OSBPL11: variants seen among roughly 807,000 people sequenced by gnomAD.
OSBPL11 encodes oxysterol binding protein like 11, also known as oxysterol-binding protein-related protein 11.
Under a neutral mutation model 84.4 loss-of-function variants are expected in OSBPL11, and 33 were observed. The ratio of observed to expected loss-of-function variants is 0.39; its 90% CI spans 0.30 to 0.52. The LOEUF is 0.52. Among genes scored for constraint, OSBPL11 ranks in the 20% least tolerant of loss-of-function variants. The pLI, the probability that OSBPL11 is intolerant of heterozygous loss-of-function variation, is 0.72. For synonymous variants in OSBPL11, 276 were observed against 310.2 expected (o/e 0.89, Z 1.16); for missense variants, 736 against 901.1 (o/e 0.82, Z 2.35).
At chr3:125,578,863 T>C in intron 4 of OSBPL11, 97 bp downstream of exon 4, 1 of 646,724 alleles carries the variant, frequency 1.5e-6, no homozygotes, top group Non-Finnish European at 2.5e-6. Flanking sequence ...GGGTGAATTT[T>C]ACGGTATATG....
intron 12 of OSBPL11, among the ~76,000 whole-genome samples, chr3:125,530,849 T>C (rs774647367): frequency 1.5e-4 from 23 of 152,214 alleles, no homozygotes; most frequent in Non-Finnish European, 2.6e-4. Flanking sequence ...ATTTTGCCAA[T>C]TTCGCCAAGA....
chr3:125,533,373 C>T (rs562428862), intron 11 of OSBPL11, among the ~76,000 whole-genome samples: 168 of 152,130 alleles, frequency 1.1e-3, no homozygotes, highest in African/African-American at 3.9e-3. Context: ...TACAGGCGTG[C>T]ACCACCATGC....
intron 11 of OSBPL11, among the ~76,000 whole-genome samples, chr3:125,533,611 AAT>A (rs1446607636): frequency 3.3e-5 from 5 of 152,268 alleles, no homozygotes; most frequent in African/African-American, 1.2e-4. Context: ...CTTTTAAAAA[AAT>A]ATGATACATG....
intron 10 of OSBPL11, among the ~76,000 whole-genome samples, chr3:125,540,927 G>A (rs970448385): frequency 6.6e-6 from 1 of 152,166 alleles, no homozygotes; most frequent in Non-Finnish European, 1.5e-5. Context: ...TCATCACTTT[G>A]CTTATAACAA....
chr3:125,585,082 T>C (rs1040328644), intron 1 of OSBPL11, among the ~76,000 whole-genome samples: 1 of 152,150 alleles, frequency 6.6e-6, no homozygotes, highest in Non-Finnish European at 1.5e-5. Flanking sequence ...TTTTTTAAAG[T>C]GTACAATTTC....
Position 125,582,892 on chromosome 3 carries a change from A to T in OSBPL11, c.233+18T>A. The T allele has an allele frequency of 6.4e-7, 1 of 1,556,858 alleles. No homozygotes were observed. On this transcript the variant is annotated intron_variant, in intron 2 of 12. Transcript: ENST00000296220. ...CTCTCTTAGGAGAGACTGATGTGAC[A>T]CAAATAATCACACTTACCTGTACTG...
intron 2 of OSBPL11, 60 bp downstream of exon 2, chr3:125,582,850 A>C: frequency 4.3e-6 from 5 of 1,154,144 alleles, no homozygotes; most frequent in Non-Finnish European, 5.0e-6. Flanking sequence ...ATATAAAATT[A>C]TTGGGCCCTA....
intron 8 of OSBPL11, among the ~76,000 whole-genome samples, chr3:125,557,906 A>ATC (rs1423634241): frequency 7.2e-6 from 1 of 138,240 alleles, no homozygotes; most frequent in African/African-American, 2.7e-5. Flanking sequence ...CAATTCTTGT[A>ATC]TCTCAGCCAC....
chr3:125,590,921 T>C (rs1936586574), intron 1 of OSBPL11, among the ~76,000 whole-genome samples: 2 of 152,230 alleles, frequency 1.3e-5, no homozygotes, highest in East Asian at 1.9e-4. Flanking sequence ...TAACCTTAGC[T>C]ACATGCAATA....
intron 4 of OSBPL11, 44 bp downstream of exon 4, chr3:125,578,916 C>T (rs541695981): frequency 4.9e-6 from 6 of 1,231,272 alleles, no homozygotes; most frequent in African/African-American, 4.7e-5. Flanking sequence ...AAAAATATTC[C>T]TTCCTCATTT....
intron 1 of OSBPL11, among the ~76,000 whole-genome samples, chr3:125,583,820 T>A (rs961554956): frequency 4.6e-5 from 7 of 152,188 alleles, no homozygotes. Context: ...CCACTTGGGT[T>A]TCTGCTAGAG....
chr3:125,578,010 T>A (rs1936356400), intron 4 of OSBPL11, among the ~76,000 whole-genome samples: 1 of 152,128 alleles, frequency 6.6e-6, no homozygotes, highest in South Asian at 2.1e-4. Flanking sequence ...TATGTTCACA[T>A]AAAAACTTGA....
Position 125,538,645 on chromosome 3 carries a change from C to A in OSBPL11, c.1842-12G>T, listed in dbSNP as rs371190158. 1.4e-5 allele frequency: 22 copies of A among 1,589,110 alleles called. No individual in the cohort carries two copies. The East Asian group carries it at 5.0e-4, about 36-fold the overall frequency. On this transcript the variant is annotated splice_polypyrimidine_tract_variant and intron_variant, in intron 10 of 12. Coordinates refer to ENST00000296220, the MANE Select transcript of OSBPL11 (RefSeq NM_022776.5). Reference sequence around the variant, plus strand: ...CTTCAGCTGTAACCCTAGAAGCAGACAGAAAAGAAAGATATGCTCTAATAA... The same window carrying A: ...CTTCAGCTGTAACCCTAGAAGCAGAAAGAAAAGAAAGATATGCTCTAATAA...
chr3:125,533,450 C>A (rs1328407253), intron 11 of OSBPL11, among the ~76,000 whole-genome samples: 1 of 152,042 alleles, frequency 6.6e-6, no homozygotes, highest in Non-Finnish European at 1.5e-5. Context: ...GTCTCGAACT[C>A]CTGACCTCAA....
At chr3:125,534,630 GAA>G (rs1649332106) in intron 11 of OSBPL11, among the ~76,000 whole-genome samples, 1 of 148,614 alleles carries the variant, frequency 6.7e-6, no homozygotes, top group African/African-American at 2.5e-5. Flanking sequence ...ATTTCGAAAT[GAA>G]AACACATAAA....
chr3:125,567,553 G>A lies in OSBPL11; in HGVS notation c.709C>T (p.Arg237Ter), dbSNP rs1256199761. 7 of 1,613,980 alleles carry A rather than the reference G, an allele frequency of 4.3e-6. No homozygotes were observed. Among genetic ancestry groups the A allele is most frequent in the East Asian group, 4.5e-5 (2 of 44,896 alleles). ...AEGQQRDLIRRIECLPTSGHL... is the reference protein window; with the variant it reads ...AEGQQRDLIR ...CCAGAAGTAGGAAGGCATTCAATTCGTCTAATTAAGTCTCTTTGTTGTCCT... is the reference window on the plus strand; with the variant it reads ...CCAGAAGTAGGAAGGCATTCAATTCATCTAATTAAGTCTCTTTGTTGTCCT... The change falls in exon 6 of 13, where the codon CGA (arginine) becomes TGA (stop). Residue 237 changes from arginine to a stop codon, truncating the protein, a stop_gained. Transcript: ENST00000296220. LOFTEE classifies it high-confidence loss of function.
chr3:125,561,629 A>G (rs2922180), intron 7 of OSBPL11, among the ~76,000 whole-genome samples: 13,154 of 152,232 alleles, frequency 0.086, 1,121 homozygotes, highest in African/African-American at 0.22. Flanking sequence ...AACATAGTAC[A>G]TTCTTACCCA....
rs1580046667 is a variant in OSBPL11, at chr3:125,552,004, T to C, written c.1654+177A>G. The stretch of plus-strand genomic sequence containing the variant: ...GATTGTAGTTTGATATTAAAAATTA[T>C]AAAACAGGCACTTGACCTTCACGTG... On this transcript the variant is annotated intron_variant, in intron 9 of 12. Transcript: ENST00000296220. 2.0e-5 allele frequency among the ~76,000 whole-genome samples: 3 copies of C among 151,982 alleles called. No individual in the cohort carries two copies. The South Asian group carries it at 6.2e-4, about 32-fold the overall frequency.
rs1265228663 is a variant in OSBPL11, at chr3:125,567,462, C to T, written c.800G>A (p.Cys267Tyr). 6.2e-7 allele frequency: 1 copy of T among 1,614,080 alleles called. No individual in the cohort carries two copies. Among genetic ancestry groups the T allele is most frequent in the Admixed American group, 1.7e-5 (1 of 60,004 alleles). ...GAGAATATGAAAGCAGTCATTTAAG[C>T]AGTTCATAGTTGCCATGGAAGTAGC... ...LKATSMATMN[C>Y]LNDCFHILQL... The change falls in exon 6 of 13, where the codon TGC becomes TAC. Residue 267 changes from cysteine (C) to tyrosine (Y), a missense_variant. Transcript: ENST00000296220.
Sources: allele counts gnomAD v4.1 joint callset (sites outside exome capture counted in the v4.1 genomes callset), GRCh38; gene constraint gnomAD v4.1.1; transcripts MANE v1.5; gene names NCBI Gene and HGNC (gene_info 2026-07-23, HGNC 2026-07-21).